CMSS1: variants seen among roughly 807,000 people sequenced by gnomAD.
The protein encoded by CMSS1 is cms1 ribosomal small subunit homolog, also known as protein CMSS1.
A neutral mutation model predicts 43.5 loss-of-function variants in CMSS1; 33 were observed. That is an observed-to-expected ratio of 0.76 (90% CI 0.57 to 1.01). The LOEUF (loss-of-function observed/expected upper bound fraction) is 1.01. Ranked by LOEUF, CMSS1 falls within the 50% of genes least tolerant of loss-of-function variation. The pLI is 0.00. For synonymous variants in CMSS1, 115 were observed against 117.2 expected (o/e 0.98, Z 0.12); for missense variants, 313 against 326.4 (o/e 0.96, Z 0.32).
chr3:99,885,677 C>G (rs1705870100), intron 1 of CMSS1, among the ~76,000 whole-genome samples: 1 of 152,198 alleles, frequency 6.6e-6, no homozygotes, highest in South Asian at 2.1e-4. Flanking sequence ...CTATATATCT[C>G]TGTCATCTAT....
intron 1 of CMSS1, chr3:100,040,768 G>C (rs542141317): frequency 1.3e-5 from 2 of 152,108 alleles, no homozygotes; most frequent in African/African-American, 2.4e-5. Flanking sequence ...GAGCCATGTG[G>C]GACTCTTTTC....
At chr3:99,848,822 C>T (rs756380927) in intron 1 of CMSS1, 9 of 1,613,830 alleles carry the variant, frequency 5.6e-6, no homozygotes, top group East Asian at 4.5e-5. Context: ...GTTATGGAGG[C>T]GTTTTGGAGG....
intron 1 of CMSS1, among the ~76,000 whole-genome samples, chr3:100,134,384 A>C (rs2107501677): frequency 6.6e-6 from 1 of 152,312 alleles, no homozygotes; most frequent in East Asian, 1.9e-4. Context: ...TCAGGATCAC[A>C]AAAATTAAAG....
chr3:99,820,889 A>G (rs535889039), intron 1 of CMSS1, among the ~76,000 whole-genome samples: 117 of 152,356 alleles, frequency 7.7e-4, no homozygotes, highest in African/African-American at 2.6e-3. Flanking sequence ...AAGGAAAGAT[A>G]GTTGTATTGG....
intron 1 of CMSS1, among the ~76,000 whole-genome samples, chr3:99,847,189 T>A (rs1187879769): frequency 6.6e-6 from 1 of 152,054 alleles, no homozygotes; most frequent in African/African-American, 2.4e-5. Flanking sequence ...TTGGCTTTTA[T>A]TTGCTTGTTT....
chr3:99,967,971 C>T (rs1708702761), intron 1 of CMSS1, among the ~76,000 whole-genome samples: 1 of 152,184 alleles, frequency 6.6e-6, no homozygotes, highest in South Asian at 2.1e-4. Context: ...TTCAGCACAT[C>T]TACTTGGGCA....
At chr3:99,837,513 TGAA>T (rs1942951132) in intron 1 of CMSS1, among the ~76,000 whole-genome samples, 1 of 152,146 alleles carries the variant, frequency 6.6e-6, no homozygotes, top group Non-Finnish European at 1.5e-5. Flanking sequence ...TTGAGTTGTT[TGAA>T]GAGTGTCTGT....
At chr3:100,030,093 T>A (rs2064998060) in intron 1 of CMSS1, among the ~76,000 whole-genome samples, 1 of 152,158 alleles carries the variant, frequency 6.6e-6, no homozygotes, top group African/African-American at 2.4e-5. Context: ...GTTTTACAGA[T>A]AAGGAAACGG....
At chr3:99,962,518 C>T (rs1428655979) in intron 1 of CMSS1, among the ~76,000 whole-genome samples, 2 of 152,114 alleles carry the variant, frequency 1.3e-5, no homozygotes, top group African/African-American at 4.8e-5. Context: ...ACCATTTCTC[C>T]AGCAACAATA....
chr3:100,135,949 A>G (rs988583875), intron 1 of CMSS1, among the ~76,000 whole-genome samples: 6 of 152,202 alleles, frequency 3.9e-5, no homozygotes, highest in Admixed American at 1.3e-4. Flanking sequence ...GAAAACTTTA[A>G]AAATTTTGTA....
intron 1 of CMSS1, among the ~76,000 whole-genome samples, chr3:99,968,428 G>GA (rs1559707510): frequency 2.2e-3 from 306 of 141,332 alleles, no homozygotes; most frequent in Middle Eastern, 3.5e-3. Flanking sequence ...TGTTTTTGGG[G>GA]GAAAAAAAAA....
intron 1 of CMSS1, among the ~76,000 whole-genome samples, chr3:100,126,655 G>T (rs931891815): frequency 5.3e-5 from 8 of 151,916 alleles, no homozygotes; most frequent in Admixed American, 6.6e-5. Context: ...TTTTTTTCTA[G>T]AATAAGATGA....
intron 1 of CMSS1, among the ~76,000 whole-genome samples, chr3:99,996,107 C>G (rs1378180060): frequency 6.6e-6 from 1 of 152,164 alleles, no homozygotes; most frequent in Non-Finnish European, 1.5e-5. Context: ...ATTTTATGCT[C>G]TGCTTCCCTT....
At chr3:99,850,006 A>G in intron 1 of CMSS1, 1 of 1,608,366 alleles carries the variant, frequency 6.2e-7, no homozygotes, top group Middle Eastern at 1.7e-4. Context: ...TACGCTGTAC[A>G]TCTTTTCTTC....
At chr3:99,948,726 T>A (rs1428669282) in intron 1 of CMSS1, among the ~76,000 whole-genome samples, 16 of 113,614 alleles carry the variant, frequency 1.4e-4, no homozygotes, top group East Asian at 7.6e-4. Flanking sequence ...GAAAGGGAAG[T>A]GGAAGGGAAG....
At chr3:99,827,188 CTTTA>C (rs1942551072) in intron 1 of CMSS1, among the ~76,000 whole-genome samples, 2 of 152,026 alleles carry the variant, frequency 1.3e-5, no homozygotes, top group Admixed American at 1.3e-4. Flanking sequence ...TAAAATATAA[CTTTA>C]TTTATTGTTA....
chr3:99,901,238 G>A (rs559331486), intron 1 of CMSS1, among the ~76,000 whole-genome samples: 5 of 152,300 alleles, frequency 3.3e-5, no homozygotes, highest in African/African-American at 9.6e-5. Flanking sequence ...AAATAGGATA[G>A]TACCTTCCTT....
At position 99,817,945 on chromosome 3, in the gene CMSS1, C is replaced by A; in HGVS notation, c.-35C>A. ...GATTCTCCGCAGCTGGTCGCCTACC[C>A]GTGATGTTCTGCCCACGTCGAGACC... is the stretch of plus-strand genomic sequence containing the variant. On this transcript the variant is annotated 5_prime_UTR_variant, in exon 1 of 10. Coordinates refer to ENST00000421999, the MANE Select transcript of CMSS1 (RefSeq NM_032359.4). The A allele has an allele frequency of 1.2e-6, 2 of 1,610,108 alleles. No individual in the cohort carries two copies. The highest frequency in any genetic ancestry group is 1.7e-6 in the Non-Finnish European group (2 of 1,176,664).
At chr3:100,105,073 A>G (rs1407746712) in intron 1 of CMSS1, among the ~76,000 whole-genome samples, 4 of 152,148 alleles carry the variant, frequency 2.6e-5, no homozygotes, top group Non-Finnish European at 4.4e-5. Flanking sequence ...AGGTGTAGCT[A>G]TTGTTCTCTT....
Sources: allele counts gnomAD v4.1 joint callset (sites outside exome capture counted in the v4.1 genomes callset), GRCh38; gene constraint gnomAD v4.1.1; transcripts MANE v1.5; gene names NCBI Gene and HGNC (gene_info 2026-07-23, HGNC 2026-07-21).